The following SLC10A7 variants were observed in gnomAD, a reference collection of about 807,000 sequenced individuals.
SLC10A7 encodes sodium/bile acid cotransporter 7.
In SLC10A7, 29 loss-of-function variants were observed where a neutral mutation model predicts 43.2. The observed-to-expected ratio is 0.67, with a 90% CI of 0.50 to 0.92. The LOEUF is 0.92. Ranked by LOEUF, SLC10A7 falls within the 40% of genes least tolerant of loss-of-function variation. The probability of loss-of-function intolerance (pLI) is 0.00; values close to 1 mark genes in which losing one functional copy is unlikely to be tolerated. For synonymous variants in SLC10A7, 152 were observed against 144.8 expected, an observed-to-expected ratio of 1.05 and a Z score of -0.35; for missense variants, 295 against 403.2, an observed-to-expected ratio of 0.73 and a Z score of 2.30.
At chr4:146,501,775 A>G (rs2150027129) in intron 4 of SLC10A7, among the ~76,000 whole-genome samples, 1 of 152,344 alleles carries the variant, frequency 6.6e-6, no homozygotes, top group South Asian at 2.1e-4. Context: ...ACATAGCAAC[A>G]GCAACCTCAT....
chr4:146,491,689 A>AAGGG (rs1735441402), intron 4 of SLC10A7, among the ~76,000 whole-genome samples: 2 of 84,622 alleles, frequency 2.4e-5, no homozygotes, highest in African/African-American at 1.2e-4. Flanking sequence ...GGAAGGAAGG[A>AAGGG]AGGAAGGAAG....
At chr4:146,505,229 C>T (rs1736789756) in intron 3 of SLC10A7, among the ~76,000 whole-genome samples, 1 of 152,154 alleles carries the variant, frequency 6.6e-6, no homozygotes, top group Middle Eastern at 3.2e-3. Flanking sequence ...CTTCATTAGC[C>T]TACTCAATGT....
Position 146,256,469 on chromosome 4 carries a change from T to G in SLC10A7, c.*22A>C, listed in dbSNP as rs115463059. 1.4e-4 allele frequency: 228 copies of G among 1,613,476 alleles called. No homozygotes were observed. The African/African-American group carries it at 2.7e-3, about 19-fold the overall frequency. ...ACAATCCTGTACATATATACATTGC[T>G]ACAGAAAGTCCACCTCCTTTGTTAT... On this transcript the variant is annotated 3_prime_UTR_variant, in exon 12 of 12. Coordinates refer to ENST00000335472, the MANE Select transcript of SLC10A7 (RefSeq NM_001029998.6).
chr4:146,418,884 T>A (rs1728763189), intron 5 of SLC10A7, among the ~76,000 whole-genome samples: 1 of 152,156 alleles, frequency 6.6e-6, no homozygotes, highest in Non-Finnish European at 1.5e-5. Flanking sequence ...CAGCTATAAA[T>A]CAGGGTTCCC....
At chr4:146,316,171 T>C (rs1732309455) in intron 6 of SLC10A7, among the ~76,000 whole-genome samples, 1 of 152,056 alleles carries the variant, frequency 6.6e-6, no homozygotes, top group African/African-American at 2.4e-5. Flanking sequence ...AGGAACTCCA[T>C]GGACTGAGGA....
chr4:146,463,113 T>G lies in SLC10A7; in HGVS notation c.397-20292A>C, dbSNP rs545537629. On this transcript the variant is annotated intron_variant, in intron 4 of 11. Transcript: ENST00000335472. Reference sequence around the variant, plus strand: ...AAGTAAAATAAAGAAATACAGCAACTTTTAAAATGCTGCCCTCTAGATTTT... The same window carrying G: ...AAGTAAAATAAAGAAATACAGCAACGTTTAAAATGCTGCCCTCTAGATTTT... Among the ~76,000 whole-genome samples the G allele has an allele frequency of 2.6e-5, 4 of 152,300 alleles. No homozygotes were observed. The South Asian group carries it at 8.3e-4, about 32-fold the overall frequency.
At chr4:146,513,400 T>C (rs535452210) in intron 2 of SLC10A7, among the ~76,000 whole-genome samples, 1 of 152,296 alleles carries the variant, frequency 6.6e-6, no homozygotes, top group East Asian at 1.9e-4. Flanking sequence ...TAAAATATTA[T>C]GCATATAAAA....
intron 4 of SLC10A7, among the ~76,000 whole-genome samples, chr4:146,474,124 A>G (rs1440380885): frequency 5.0e-5 from 3 of 59,416 alleles, no homozygotes; most frequent in Non-Finnish European, 9.4e-5. Flanking sequence ...GAAAAGTCAA[A>G]TAAAAGAGAA....
chr4:146,334,295 G>A (rs886198649), intron 5 of SLC10A7, among the ~76,000 whole-genome samples: 1 of 152,064 alleles, frequency 6.6e-6, no homozygotes. Context: ...TTGGTGTGGT[G>A]ATTTACTGCT....
chr4:146,361,314 T>C (rs1736032654), intron 5 of SLC10A7, among the ~76,000 whole-genome samples: 1 of 152,184 alleles, frequency 6.6e-6, no homozygotes, highest in Non-Finnish European at 1.5e-5. Context: ...ATGAGAAATA[T>C]AACAGATAAT....
chr4:146,359,333 T>C (rs1735880818), intron 5 of SLC10A7, among the ~76,000 whole-genome samples: 1 of 152,156 alleles, frequency 6.6e-6, no homozygotes, highest in African/African-American at 2.4e-5. Flanking sequence ...ATTGTATGGC[T>C]TGCCTTTTAT....
chr4:146,303,939 G>A (rs185181641), intron 7 of SLC10A7, among the ~76,000 whole-genome samples: 24 of 151,606 alleles, frequency 1.6e-4, no homozygotes, highest in African/African-American at 5.6e-4. Context: ...TAGTAACACT[G>A]CAAATAAAAG....
rs77065390 is a variant in SLC10A7 at position 146,274,659 on chromosome 4, T to G, written c.847+8533A>C. On this transcript the variant is annotated intron_variant, in intron 10 of 11. Coordinates refer to ENST00000335472, the MANE Select transcript of SLC10A7 (RefSeq NM_001029998.6). ...AATTAGAAAAACTGGAGCCAGGTTT[T>G]TATCCTTCCTAGACAGGACCACAAT... is the stretch of plus-strand genomic sequence containing the variant. Among the ~76,000 whole-genome samples the G allele has an allele frequency of 5.0e-3, 769 of 152,320 alleles. 4 individuals are homozygous for G. Among genetic ancestry groups the G allele is most frequent in the African/African-American group, 0.018 (728 of 41,570 alleles).
At chr4:146,320,630 T>C (rs942897270) in intron 6 of SLC10A7, among the ~76,000 whole-genome samples, 7 of 151,532 alleles carry the variant, frequency 4.6e-5, no homozygotes, top group South Asian at 2.1e-4. Flanking sequence ...TGGAGAAGAG[T>C]TCAAGAATTT....
intron 5 of SLC10A7, among the ~76,000 whole-genome samples, chr4:146,341,270 G>C (rs920131328): frequency 6.6e-6 from 1 of 151,654 alleles, no homozygotes; most frequent in East Asian, 1.9e-4. Flanking sequence ...TCACAGTATT[G>C]TTCTTTAGTA....
intron 4 of SLC10A7, among the ~76,000 whole-genome samples, chr4:146,484,518 GAGAT>G (rs1160973377): frequency 4.6e-5 from 7 of 152,016 alleles, no homozygotes; most frequent in African/African-American, 1.7e-4. Flanking sequence ...CAAACATAGA[GAGAT>G]AGAGAAAAAA....
chr4:146,359,058 A>C lies in SLC10A7; in HGVS notation c.436-33062T>G, dbSNP rs576295161. On this transcript the variant is annotated intron_variant, in intron 5 of 11. Coordinates refer to ENST00000335472, the MANE Select transcript of SLC10A7 (RefSeq NM_001029998.6). ...AATACTTGTTAGTGACAATCTTCTA[A>C]AAGTTTAGTCATTTTGATACATGTG... 1.3e-4 allele frequency among the ~76,000 whole-genome samples: 20 copies of C among 152,286 alleles called. No homozygotes were observed. In the East Asian group the frequency reaches 3.9e-3, roughly 29 times the overall value.
At chr4:146,478,213 C>G (rs1420245481) in intron 4 of SLC10A7, 2 of 152,246 alleles carry the variant, frequency 1.3e-5, no homozygotes, top group East Asian at 3.8e-4. Flanking sequence ...CTCTGGGACT[C>G]TCTCAGAACC....
At chr4:146,300,492 G>C (rs567002750) in intron 7 of SLC10A7, among the ~76,000 whole-genome samples, 1 of 152,272 alleles carries the variant, frequency 6.6e-6, no homozygotes, top group South Asian at 2.1e-4. Flanking sequence ...GTGATTATAG[G>C]AGGAGGTGGC....
Sources: allele counts gnomAD v4.1 joint callset (sites outside exome capture counted in the v4.1 genomes callset), GRCh38; gene constraint gnomAD v4.1.1; transcripts MANE v1.5; gene names NCBI Gene and HGNC (gene_info 2026-07-23, HGNC 2026-07-21).